Variants in STK3 observed in about 807,000 individuals in gnomAD.
STK3 encodes serine/threonine-protein kinase 3.
A neutral mutation model predicts 58.0 loss-of-function variants in STK3; 41 were observed. The observed-to-expected ratio is 0.71, with a 90% CI of 0.55 to 0.92. The LOEUF (loss-of-function observed/expected upper bound fraction) is 0.92, where lower values mean the gene tolerates loss of function less well. Ranked by LOEUF, STK3 falls within the 40% of genes least tolerant of loss-of-function variation. The pLI, the probability that STK3 is intolerant of heterozygous loss-of-function variation, is 0.00. For missense variants in STK3, 479 were observed against 602.7 expected (o/e 0.79, Z 2.15); for synonymous variants, 170 against 191.0 (o/e 0.89, Z 0.91).
chr8:98,478,677 G>T (rs1586661697), intron 10 of STK3, among the ~76,000 whole-genome samples: 2 of 152,170 alleles, frequency 1.3e-5, no homozygotes, highest in Admixed American at 6.5e-5. Flanking sequence ...CAGTTTCGGA[G>T]CCTCTAAAAT....
At chr8:98,549,931 CAA>C (rs1811025628) in intron 8 of STK3, among the ~76,000 whole-genome samples, 1 of 152,022 alleles carries the variant, frequency 6.6e-6, no homozygotes, top group Admixed American at 6.6e-5. Context: ...TGCCTGAGCT[CAA>C]GAGTTTGAGG....
intron 2 of STK3, among the ~76,000 whole-genome samples, chr8:98,770,335 T>C (rs927897819): frequency 6.6e-6 from 1 of 152,186 alleles, no homozygotes; most frequent in Non-Finnish European, 1.5e-5. Flanking sequence ...GCAGCTACTA[T>C]TCACACTAAA....
At chr8:98,709,568 C>A (rs1826233688) in intron 4 of STK3, among the ~76,000 whole-genome samples, 1 of 152,094 alleles carries the variant, frequency 6.6e-6, no homozygotes, top group African/African-American at 2.4e-5. Context: ...ACACTCACTT[C>A]AACAGGATTG....
chr8:98,569,913 ATGTG>A (rs534903718), intron 8 of STK3, among the ~76,000 whole-genome samples: 16 of 147,372 alleles, frequency 1.1e-4, no homozygotes, highest in East Asian at 9.8e-4. Context: ...AAAAAAAAAT[ATGTG>A]TGTGTGTGTG....
intron 3 of STK3, chr8:98,413,556 G>T: frequency 1.5e-6 from 1 of 656,554 alleles, no homozygotes. Context: ...ATCTAGGTCA[G>T]AGACAGATGA....
intron 1 of STK3, among the ~76,000 whole-genome samples, chr8:98,805,968 T>C (rs1833863007): frequency 6.6e-6 from 1 of 152,076 alleles, no homozygotes; most frequent in East Asian, 1.9e-4. Context: ...CACACACACA[T>C]ACACAAAGAA....
At chr8:98,912,868 T>G (rs925482226) in intron 1 of STK3, among the ~76,000 whole-genome samples, 16 of 152,164 alleles carry the variant, frequency 1.1e-4, no homozygotes, top group African/African-American at 3.6e-4. Flanking sequence ...GTGGTTGTGT[T>G]TTTTTTGTTT....
At chr8:98,745,198 A>G (rs1829561234) in intron 4 of STK3, among the ~76,000 whole-genome samples, 1 of 152,206 alleles carries the variant, frequency 6.6e-6, no homozygotes, top group East Asian at 1.9e-4. Flanking sequence ...TTGCTATATA[A>G]AGGATATTTT....
chr8:98,518,729 G>A (rs1341182114), intron 10 of STK3, among the ~76,000 whole-genome samples: 1 of 152,132 alleles, frequency 6.6e-6, no homozygotes. Context: ...TGTTGGATAT[G>A]ACTGCCAGCA....
intron 2 of STK3, among the ~76,000 whole-genome samples, chr8:98,373,553 T>C (rs1817634287): frequency 6.6e-6 from 1 of 152,168 alleles, no homozygotes; most frequent in Admixed American, 6.5e-5. Flanking sequence ...GTTTTTAGAT[T>C]AAAAACTGAG....
intron 7 of STK3, among the ~76,000 whole-genome samples, chr8:98,588,416 G>C (rs1010781612): frequency 6.6e-6 from 1 of 151,044 alleles, no homozygotes; most frequent in Non-Finnish European, 1.5e-5. Flanking sequence ...TAAGAATGTT[G>C]AATATTGGCC....
At chr8:98,834,763 G>T (rs916028977) in intron 3 of STK3, among the ~76,000 whole-genome samples, 1 of 152,136 alleles carries the variant, frequency 6.6e-6, no homozygotes, top group Non-Finnish European at 1.5e-5. Flanking sequence ...ACCTTCAGGG[G>T]TAAGATATAA....
chr8:98,824,776 T>C (rs558231020), intron 1 of STK3, among the ~76,000 whole-genome samples: 2 of 152,366 alleles, frequency 1.3e-5, no homozygotes, highest in South Asian at 2.1e-4. Flanking sequence ...CTCTTTAATC[T>C]TCACAACAGC....
At chr8:98,573,020 A>G (rs1813087755) in intron 8 of STK3, among the ~76,000 whole-genome samples, 1 of 152,146 alleles carries the variant, frequency 6.6e-6, no homozygotes, top group Admixed American at 6.5e-5. Context: ...AGTAACATAT[A>G]CCTAAAACGA....
At chr8:98,744,726 G>A (rs1029511538) in intron 4 of STK3, among the ~76,000 whole-genome samples, 2 of 151,826 alleles carry the variant, frequency 1.3e-5, no homozygotes, top group African/African-American at 4.8e-5. Context: ...AAAACTTAAA[G>A]TATAATAATA....
intron 10 of STK3, among the ~76,000 whole-genome samples, chr8:98,517,640 G>T (rs1180599243): frequency 6.6e-6 from 1 of 152,122 alleles, no homozygotes; most frequent in African/African-American, 2.4e-5. Context: ...TTTCATGACA[G>T]TTCAAGTACA....
chr8:98,660,898 A>G (rs1334453446), intron 6 of STK3, among the ~76,000 whole-genome samples: 4 of 152,060 alleles, frequency 2.6e-5, no homozygotes, highest in Non-Finnish European at 4.4e-5. Context: ...AGAAATTAAG[A>G]CATTCCCAGA....
At chr8:98,458,470 G>A (rs1819678042) in intron 10 of STK3, among the ~76,000 whole-genome samples, 1 of 152,028 alleles carries the variant, frequency 6.6e-6, no homozygotes, top group Non-Finnish European at 1.5e-5. Context: ...ATTGTAAAAG[G>A]GGTTGAGTTC....
chr8:98,453,779 A>G (rs1385183760), downstream of STK3, among the ~76,000 whole-genome samples: 1 of 152,172 alleles, frequency 6.6e-6, no homozygotes, highest in Non-Finnish European at 1.5e-5. Context: ...TTTCTTGTCC[A>G]TGTCATGTAG....
Sources: gnomAD v4.1 joint callset for allele counts (sites outside exome capture counted in the v4.1 genomes callset) on GRCh38, gnomAD v4.1.1 for gene constraint, MANE v1.5 for transcripts, NCBI Gene and HGNC (gene_info 2026-07-23, HGNC 2026-07-21) for gene names.